MALT1: variants seen among roughly 807,000 people sequenced by gnomAD.
MALT1 encodes the protein MALT1 paracaspase, also known as mucosa-associated lymphoid tissue lymphoma translocation protein 1.
In MALT1, 36 loss-of-function variants were observed where a neutral mutation model predicts 85.5. The observed-to-expected ratio is 0.42, with a 90% CI of 0.32 to 0.56. The LOEUF is 0.56. Ranked by LOEUF, MALT1 falls within the 20% of genes least tolerant of loss-of-function variation. The pLI is 0.10. For missense variants in MALT1, 716 were observed against 981.6 expected (o/e 0.73, Z 3.62); for synonymous variants, 359 against 361.3 (o/e 0.99, Z 0.07).
chr18:58,711,415 A>G (rs1384881337), intron 7 of MALT1, among the ~76,000 whole-genome samples: 2 of 152,192 alleles, frequency 1.3e-5, no homozygotes, highest in African/African-American at 4.8e-5. Context: ...TGTTTAACAT[A>G]TGTTCTATGA....
In MALT1 at chr18:58,696,376, T is replaced by C; in HGVS notation, c.387T>C (p.Ile129=). ...TTTTTTTTTTTTTAGGAATAAAGAT[T>C]ACTGTAAACCCAGAGTCAAAGGCAG... is the stretch of plus-strand genomic sequence containing the variant. ...LQLLSPPGIK[I]TVNPESKAVL... is the part of the protein sequence containing the mutation. The change falls in exon 3 of 17, where the codon ATT becomes ATC. Residue 129 remains isoleucine (I), a synonymous_variant. Transcript: ENST00000649217. 7.0e-7 allele frequency: 1 copy of C among 1,421,796 alleles called. No homozygotes were observed. The highest frequency in any genetic ancestry group is 9.4e-7 in the Non-Finnish European group (1 of 1,067,558). 88.1% of individuals were successfully genotyped at this position (1,421,796 alleles called of 1,614,324 possible). A position where few individuals can be genotyped will look rare whatever the true frequency, so the allele number is the denominator to read the frequency against.
At chr18:58,730,444 T>C (rs971863936) in intron 10 of MALT1, among the ~76,000 whole-genome samples, 1 of 152,218 alleles carries the variant, frequency 6.6e-6, no homozygotes, top group Non-Finnish European at 1.5e-5. Flanking sequence ...TCACTTCACA[T>C]GTTTTCAAAG....
chr18:58,709,541 C>T lies in MALT1; in HGVS notation c.813C>T (p.Thr271=), dbSNP rs752497631. Residue 271 remains threonine (T), a synonymous_variant, in exon 5 of 17, where the codon ACC becomes ACT. Coordinates refer to ENST00000649217, the MANE Select transcript of MALT1 (RefSeq NM_006785.4). ...FKNELPLTHE[T]KKLYMVPYVD... ...ATGAATTACCATTAACACATGAGAC[C>T]AAAAAGCTATACATGGTAGGAAGTT... The T allele has an allele frequency of 2.5e-6, 4 of 1,603,432 alleles. No homozygotes were observed. The Admixed American group carries it at 7.0e-5, about 28-fold the overall frequency.
intron 1 of MALT1, among the ~76,000 whole-genome samples, chr18:58,673,438 ATTC>A (rs896918886): frequency 1.3e-5 from 2 of 151,704 alleles, no homozygotes; most frequent in Non-Finnish European, 2.9e-5. Context: ...ATTCTTCTTT[ATTC>A]TTCTTATTTT....
chr18:58,734,865 TTTTC>T (rs2055203026), intron 12 of MALT1, among the ~76,000 whole-genome samples: 1 of 152,222 alleles, frequency 6.6e-6, no homozygotes, highest in Non-Finnish European at 1.5e-5. Context: ...TTTTCTAACA[TTTTC>T]TTTTTAAAAA....
chr18:58,716,720 A>T (rs1223130131), intron 9 of MALT1, among the ~76,000 whole-genome samples: 1 of 152,230 alleles, frequency 6.6e-6, no homozygotes, highest in Admixed American at 6.5e-5. Context: ...GTTGGAAAGA[A>T]AGAGTGGTTT....
rs941975844 is a variant in MALT1, at chr18:58,716,048, G to T, written c.1018+81G>T. On this transcript the variant is annotated intron_variant, in intron 9 of 16. Coordinates refer to ENST00000649217, the MANE Select transcript of MALT1 (RefSeq NM_006785.4). ...AAGGAATTTAAGACATTTTAATTTG[G>T]TTTTTTAAAGAAATGTGAATAACAT... 1.2e-5 allele frequency: 13 copies of T among 1,045,590 alleles called. 1 individual carries two copies. The highest frequency in any genetic ancestry group is 1.1e-4 in the South Asian group (8 of 69,948). The allele number at this position is 1,045,590 out of a possible 1,614,324, so 64.8% of individuals were successfully genotyped here.
At chr18:58,691,310 T>A in intron 2 of MALT1, 1 of 779,950 alleles carries the variant, frequency 1.3e-6, no homozygotes, top group Non-Finnish European at 2.1e-6. Flanking sequence ...CACATAGCCT[T>A]CAACCAGATC....
intron 1 of MALT1, among the ~76,000 whole-genome samples, chr18:58,676,045 A>C (rs2054235026): frequency 6.6e-6 from 1 of 152,106 alleles, no homozygotes; most frequent in Non-Finnish European, 1.5e-5. Flanking sequence ...CCTTCACTAT[A>C]TATATGTAGA....
chr18:58,679,640 G>T (rs1309492449), intron 1 of MALT1, among the ~76,000 whole-genome samples: 1 of 152,086 alleles, frequency 6.6e-6, no homozygotes, highest in Non-Finnish European at 1.5e-5. Flanking sequence ...TGCAATCTCC[G>T]CCTCCTGGGT....
chr18:58,752,075 C>T lies in MALT1; in HGVS notation c.*4233C>T, dbSNP rs2055453950. ...AGTGAGGTGTCCTGTGCAGCAGTCG[C>T]AATTTTTTGACTTGTCAAATTGAAG... On this transcript the variant is annotated 3_prime_UTR_variant, in exon 17 of 17. Transcript: ENST00000649217. 1 of 152,176 alleles carries T rather than the reference C, an allele frequency of 6.6e-6. No homozygotes were observed. The highest frequency in any genetic ancestry group is 2.1e-4 in the South Asian group (1 of 4,824). 9.4% of individuals were successfully genotyped at this position (152,176 alleles called of 1,614,324 possible).
chr18:58,725,467 G>T (rs761536544), intron 10 of MALT1, among the ~76,000 whole-genome samples: 2 of 151,988 alleles, frequency 1.3e-5, no homozygotes, highest in African/African-American at 2.4e-5. Flanking sequence ...CAAGTCTTTC[G>T]GATAAAGGAT....
At chr18:58,714,687 C>G (rs1008502277) in intron 8 of MALT1, among the ~76,000 whole-genome samples, 1 of 152,082 alleles carries the variant, frequency 6.6e-6, no homozygotes, top group Non-Finnish European at 1.5e-5. Context: ...GAACAGATTT[C>G]TAATAAGTTA....
chr18:58,736,975 T>G (rs1257996308), intron 13 of MALT1, among the ~76,000 whole-genome samples: 1 of 152,238 alleles, frequency 6.6e-6, no homozygotes, highest in Non-Finnish European at 1.5e-5. Flanking sequence ...TATGAAATTT[T>G]TCACAAGTCA....
chr18:58,734,594 G>T, intron 12 of MALT1: 1 of 495,838 alleles, frequency 2.0e-6, no homozygotes, highest in Non-Finnish European at 3.6e-6. Context: ...TGGCCCCTGA[G>T]GGTTTTTTGA....
chr18:58,745,572 G>C, intron 15 of MALT1, 94 bp from the exon 16 acceptor site: 1 of 1,102,306 alleles, frequency 9.1e-7, no homozygotes. Flanking sequence ...GAATTCACGA[G>C]AGGATAGTAT....
chr18:58,684,952 T>C (rs2054379413), intron 2 of MALT1, among the ~76,000 whole-genome samples: 1 of 152,168 alleles, frequency 6.6e-6, no homozygotes, highest in African/African-American at 2.4e-5. Flanking sequence ...CTAGGCATTA[T>C]GCTAGGTACT....
chr18:58,690,745 C>A, intron 2 of MALT1: 1 of 203,128 alleles, frequency 4.9e-6, no homozygotes, highest in South Asian at 1.1e-4. Flanking sequence ...GCCGCCTTCT[C>A]AGGGGTGTCA....
intron 13 of MALT1, among the ~76,000 whole-genome samples, chr18:58,737,573 CTT>C (rs542313784): frequency 2.6e-5 from 4 of 151,702 alleles, no homozygotes; most frequent in East Asian, 3.9e-4. Flanking sequence ...TTACCAATTT[CTT>C]TTTTTAATTT....
Sources: gnomAD v4.1 joint callset for allele counts (sites outside exome capture counted in the v4.1 genomes callset) on GRCh38, gnomAD v4.1.1 for gene constraint, MANE v1.5 for transcripts, NCBI Gene and HGNC (gene_info 2026-07-23, HGNC 2026-07-21) for gene names.